Variants in ROBO2 observed in about 807,000 individuals in gnomAD.
The protein encoded by ROBO2 is roundabout guidance receptor 2.
A neutral mutation model predicts 160.8 loss-of-function variants in ROBO2; 53 were observed. That is an observed-to-expected ratio of 0.33 (90% CI 0.26 to 0.41). ROBO2 has a LOEUF of 0.41. ROBO2 is among the 10% of genes least tolerant of loss of function. The pLI is 1.00. For synonymous variants in ROBO2, 664 were observed against 611.7 expected (o/e 1.09, Z -1.26); for missense variants, 1,577 against 1,722.4 (o/e 0.92, Z 1.49).
intron 2 of ROBO2, among the ~76,000 whole-genome samples, chr3:76,567,898 TC>T (rs1465751103): frequency 6.8e-6 from 1 of 146,030 alleles, no homozygotes; most frequent in Non-Finnish European, 1.5e-5. Context: ...CACTTCAGCC[TC>T]AATCTCCCGG....
At chr3:77,447,913 G>A (rs1481967908) in intron 2 of ROBO2, among the ~76,000 whole-genome samples, 1 of 152,118 alleles carries the variant, frequency 6.6e-6, no homozygotes, top group African/African-American at 2.4e-5. Context: ...ATATGTGTGA[G>A]AAAAACTGTT....
chr3:77,351,961 G>C (rs112689464), intron 2 of ROBO2, among the ~76,000 whole-genome samples: 7 of 151,562 alleles, frequency 4.6e-5, no homozygotes, highest in Admixed American at 2.6e-4. Context: ...GTGGGGGCAG[G>C]GGGGAGGGTG....
At chr3:77,245,238 G>A (rs1273307422) in intron 2 of ROBO2, among the ~76,000 whole-genome samples, 1 of 152,152 alleles carries the variant, frequency 6.6e-6, no homozygotes, top group East Asian at 1.9e-4. Flanking sequence ...ATGTTTGAGT[G>A]ACATGGAGCC....
At chr3:77,293,787 AC>A (rs2061633811) in intron 2 of ROBO2, among the ~76,000 whole-genome samples, 2 of 142,164 alleles carry the variant, frequency 1.4e-5, no homozygotes, top group East Asian at 4.0e-4. Context: ...TGATGGTTAA[AC>A]GGGAAGTTGA....
intron 6 of ROBO2, among the ~76,000 whole-genome samples, chr3:77,540,075 G>C (rs1462712037): frequency 6.6e-6 from 1 of 152,184 alleles, no homozygotes; most frequent in African/African-American, 2.4e-5. Flanking sequence ...TGCAAGCATT[G>C]CTATGGTAAG....
intron 2 of ROBO2, among the ~76,000 whole-genome samples, chr3:76,579,274 G>C (rs1483624808): frequency 6.6e-6 from 1 of 152,056 alleles, no homozygotes; most frequent in Non-Finnish European, 1.5e-5. Context: ...AGAATTCTCT[G>C]TCCTGAGTCA....
intron 2 of ROBO2, among the ~76,000 whole-genome samples, chr3:76,148,777 A>G (rs2072024478): frequency 1.3e-5 from 2 of 151,882 alleles, no homozygotes; most frequent in Non-Finnish European, 2.9e-5. Flanking sequence ...TCCTATCTCC[A>G]TGGCTTTCCC....
At chr3:77,201,490 T>C (rs1030855278) in intron 2 of ROBO2, among the ~76,000 whole-genome samples, 2 of 152,186 alleles carry the variant, frequency 1.3e-5, no homozygotes, top group African/African-American at 4.8e-5. Context: ...TGCCTCTAAA[T>C]TGATTTAATA....
intron 2 of ROBO2, among the ~76,000 whole-genome samples, chr3:75,997,345 A>G (rs1423045934): frequency 2.0e-5 from 3 of 152,156 alleles, no homozygotes; most frequent in Non-Finnish European, 4.4e-5. Context: ...AGTTACTTAT[A>G]TTTGTTACAA....
chr3:76,517,679 T>C (rs945322500), intron 2 of ROBO2, among the ~76,000 whole-genome samples: 1 of 152,184 alleles, frequency 6.6e-6, no homozygotes, highest in Non-Finnish European at 1.5e-5. Context: ...GTTTTATATA[T>C]GGGAAATTGA....
chr3:77,559,096 T>C (rs2093232710), intron 9 of ROBO2, among the ~76,000 whole-genome samples: 1 of 152,104 alleles, frequency 6.6e-6, no homozygotes, highest in South Asian at 2.1e-4. Context: ...TTTGGTTCCT[T>C]GCCATCTGGA....
intron 4 of ROBO2, among the ~76,000 whole-genome samples, 199 bp downstream of exon 4, chr3:77,481,418 T>G (rs2084676868): frequency 6.6e-6 from 1 of 152,130 alleles, no homozygotes; most frequent in Non-Finnish European, 1.5e-5. Context: ...GAAACTTTAA[T>G]TAACTTACAT....
At chr3:76,118,070 C>G (rs2070553835) in intron 2 of ROBO2, among the ~76,000 whole-genome samples, 1 of 151,976 alleles carries the variant, frequency 6.6e-6, no homozygotes, top group African/African-American at 2.4e-5. Flanking sequence ...GTGCAGCACA[C>G]CAACATGGCA....
intron 2 of ROBO2, among the ~76,000 whole-genome samples, chr3:76,900,930 A>G (rs1389921489): frequency 6.6e-6 from 1 of 152,182 alleles, no homozygotes; most frequent in Non-Finnish European, 1.5e-5. Flanking sequence ...AAGAAAAATA[A>G]ATTCACAATC....
chr3:76,342,612 A>T (rs2074295321), intron 2 of ROBO2, among the ~76,000 whole-genome samples: 1 of 152,132 alleles, frequency 6.6e-6, no homozygotes. Context: ...AGGCTGTTCA[A>T]CCTGTATATA....
chr3:76,672,219 A>G (rs991174586), intron 2 of ROBO2, among the ~76,000 whole-genome samples: 8 of 152,104 alleles, frequency 5.3e-5, no homozygotes, highest in Non-Finnish European at 5.9e-5. Flanking sequence ...ACCCACATTT[A>G]CATATCAAGC....
intron 2 of ROBO2, among the ~76,000 whole-genome samples, chr3:75,942,264 G>A (rs1948092779): frequency 6.6e-6 from 1 of 152,066 alleles, no homozygotes; most frequent in Admixed American, 6.6e-5. Context: ...TGTTTTGTGA[G>A]GTTGCTTGGT....
chr3:76,905,902 C>A (rs2075570443), intron 2 of ROBO2, among the ~76,000 whole-genome samples: 1 of 152,132 alleles, frequency 6.6e-6, no homozygotes, highest in African/African-American at 2.4e-5. Context: ...AAGTTTAGTT[C>A]CTGGAGTTAC....
In ROBO2 at chr3:77,001,330, G is replaced by A. The variant is rs111638513; in HGVS notation, c.110-96684G>A. Among the ~76,000 whole-genome samples the A allele has an allele frequency of 8.7e-3, 1,330 of 152,240 alleles. 11 individuals are homozygous for A. Among genetic ancestry groups the A allele is most frequent in the Non-Finnish European group, 0.016 (1,087 of 68,016 alleles). ...CGGACTTATTAACAGTTCATAAAAT[G>A]TGTGGCATTCTTCTGGTTCTTGTCA... On this transcript the variant is annotated intron_variant, in intron 2 of 26. Coordinates refer to the ROBO2 transcript ENST00000487694.
Sources: gnomAD v4.1 joint callset for allele counts (sites outside exome capture counted in the v4.1 genomes callset) on GRCh38, gnomAD v4.1.1 for gene constraint, MANE v1.5 for transcripts, NCBI Gene and HGNC (gene_info 2026-07-23, HGNC 2026-07-21) for gene names.